SCNN1B: variants seen among roughly 807,000 people sequenced by gnomAD.
The protein encoded by SCNN1B is sodium channel epithelial 1 subunit beta.
Under a neutral mutation model 65.3 loss-of-function variants are expected in SCNN1B, and 46 were observed. That is an observed-to-expected ratio of 0.70 (90% CI 0.56 to 0.90). The LOEUF (loss-of-function observed/expected upper bound fraction) is 0.90. SCNN1B is among the 40% of genes least tolerant of loss of function. SCNN1B has a pLI of 0.00. For missense variants in SCNN1B, 751 were observed against 830.5 expected, an observed-to-expected ratio of 0.90 and a Z score of 1.18; for synonymous variants, 349 against 330.6, an observed-to-expected ratio of 1.06 and a Z score of -0.60.
Position 23,380,932 on chromosome 16 carries a change from A to C in SCNN1B, c.*131A>C. ...CTCCAGGCCAGAGCTTGTGTCCTTC[A>C]ACAGAGAGGCCAGCGGCAACTGGTC... On this transcript the variant is annotated 3_prime_UTR_variant, in exon 13 of 13. Coordinates refer to ENST00000343070, the MANE Select transcript of SCNN1B (RefSeq NM_000336.3). This position sits in a 1 kb window ranked among gnomAD's most constrained non-coding sequence, Gnocchi z 5.4. 1 of 997,574 alleles carries C rather than the reference A, an allele frequency of 1.0e-6. No homozygotes were observed. The highest frequency in any genetic ancestry group is 1.3e-5 in the South Asian group (1 of 77,890). 61.8% of individuals were successfully genotyped at this position (997,574 alleles called of 1,614,324 possible).
chr16:23,344,293 A>T (rs2142012538), intron 1 of SCNN1B, among the ~76,000 whole-genome samples: 1 of 152,348 alleles, frequency 6.6e-6, no homozygotes, highest in African/African-American at 2.4e-5. Context: ...GGAGATTAGA[A>T]GGGTTGGAGA....
At chr16:23,376,376 A>G (rs150017030) in intron 8 of SCNN1B, among the ~76,000 whole-genome samples, 102 of 148,726 alleles carry the variant, frequency 6.9e-4, no homozygotes, top group African/African-American at 2.2e-3. Flanking sequence ...GTGTGTGTGC[A>G]CGTGCATGTA....
chr16:23,380,645 C>G lies in SCNN1B; in HGVS notation c.1767C>G (p.Gly589=). 14 of 1,613,354 alleles carry G rather than the reference C, an allele frequency of 8.7e-6. No individual in the cohort carries two copies. The highest frequency in any genetic ancestry group is 1.2e-5 in the Non-Finnish European group (14 of 1,179,688). ...AELVEAHTNF[G]FQPDTAPRSP... ...TGGTGGAGGCCCACACCAACTTTGG[C>G]TTCCAGCCTGACACGGCCCCCCGCA... Residue 589 remains glycine (G), a synonymous_variant, in exon 13 of 13, where the codon GGC becomes GGG. Coordinates refer to ENST00000343070, the MANE Select transcript of SCNN1B (RefSeq NM_000336.3). The surrounding 1 kb of genome is among the most constrained non-coding windows in gnomAD (Gnocchi z 5.4).
At chr16:23,299,023 C>A (rs1025062985), upstream of SCNN1B, among the ~76,000 whole-genome samples, 2 of 150,358 alleles carry the variant, frequency 1.3e-5, no homozygotes, top group African/African-American at 4.9e-5. Flanking sequence ...TATGAAATTG[C>A]TATGTTCTTT....
intron 1 of SCNN1B, among the ~76,000 whole-genome samples, chr16:23,335,603 T>C (rs1257233558): frequency 6.6e-6 from 1 of 151,978 alleles, no homozygotes; most frequent in East Asian, 1.9e-4. Context: ...TGTGCCACCA[T>C]GCCCAGCTAA....
chr16:23,324,834 C>T (rs1488488592), intron 1 of SCNN1B, among the ~76,000 whole-genome samples: 4 of 152,242 alleles, frequency 2.6e-5, no homozygotes, highest in Admixed American at 2.0e-4. Context: ...ACACACCACC[C>T]ATCCTGGGCA....
chr16:23,305,796 A>G (rs1288719345), intron 1 of SCNN1B, among the ~76,000 whole-genome samples: 2 of 151,732 alleles, frequency 1.3e-5, no homozygotes, highest in African/African-American at 4.8e-5. Flanking sequence ...TCTGGGCCAG[A>G]CACTCAGCTG....
rs1409636537 is a variant in SCNN1B at position 23,367,918 on chromosome 16, C to T, written c.839C>T (p.Thr280Ile). ...GNCYIFNWGM[T>I]EKALPSANPG... ...TGTTACATCTTCAACTGGGGCATGA[C>T]AGAGAAGGCACTTCCTTCGGCCAAC... The change falls in exon 5 of 13, where the codon ACA (threonine) becomes ATA (isoleucine). Residue 280 changes from threonine (T) to isoleucine (I), a missense_variant. Physicochemically the swap from Thr to Ile is moderately conservative, Grantham distance 89. Transcript: ENST00000343070. 1 of 1,614,224 alleles carries T rather than the reference C, an allele frequency of 6.2e-7. No individual in the cohort carries two copies. Among genetic ancestry groups the T allele is most frequent in the South Asian group, 1.1e-5 (1 of 91,088 alleles).
At chr16:23,361,732 C>T (rs986017044) in intron 4 of SCNN1B, among the ~76,000 whole-genome samples, 5 of 152,130 alleles carry the variant, frequency 3.3e-5, no homozygotes, top group Non-Finnish European at 5.9e-5. Context: ...AGGATGCCCC[C>T]GCCCTAGAAT....
intron 2 of SCNN1B, among the ~76,000 whole-genome samples, chr16:23,286,661 C>A (rs1596805832): frequency 6.6e-6 from 1 of 152,198 alleles, no homozygotes; most frequent in East Asian, 1.9e-4. Flanking sequence ...CTCAAGAAAT[C>A]AATCAAACTC....
At chr16:23,371,957 G>A in intron 7 of SCNN1B, 74 bp downstream of exon 7, 1 of 1,114,464 alleles carries the variant, frequency 9.0e-7, no homozygotes, top group South Asian at 1.2e-5. Flanking sequence ...CAGTACTCCG[G>A]GAGAGCTGGC....
chr16:23,339,247 G>GT (rs746682531), intron 1 of SCNN1B, among the ~76,000 whole-genome samples: 1 of 151,812 alleles, frequency 6.6e-6, no homozygotes, highest in Non-Finnish European at 1.5e-5. Flanking sequence ...TGGATATGCC[G>GT]TAATTTATTT....
intron 1 of SCNN1B, among the ~76,000 whole-genome samples, chr16:23,334,332 C>T (rs56200918): frequency 1.3e-5 from 2 of 152,314 alleles, no homozygotes; most frequent in Admixed American, 6.5e-5. Context: ...TTTCAGGGCT[C>T]GAATGAGTGA....
intron 1 of SCNN1B, among the ~76,000 whole-genome samples, chr16:23,319,734 T>C (rs186543952): frequency 6.6e-6 from 1 of 152,162 alleles, no homozygotes; most frequent in Non-Finnish European, 1.5e-5. Flanking sequence ...CAAACTCTGC[T>C]GCACATATTA....
At chr16:23,367,535 C>T (rs537950242) in intron 4 of SCNN1B, among the ~76,000 whole-genome samples, 10 of 152,302 alleles carry the variant, frequency 6.6e-5, no homozygotes, top group Admixed American at 3.3e-4. Context: ...TGGCCTCAAG[C>T]GGTCCTCCCG....
chr16:23,342,187 C>T (rs1338383189), intron 1 of SCNN1B, among the ~76,000 whole-genome samples: 1 of 152,204 alleles, frequency 6.6e-6, no homozygotes, highest in Non-Finnish European at 1.5e-5. Flanking sequence ...CATGCTGCAA[C>T]GTACCTTTAA....
chr16:23,307,231 C>G (rs1187667494), intron 1 of SCNN1B, among the ~76,000 whole-genome samples: 3 of 151,478 alleles, frequency 2.0e-5, no homozygotes, highest in African/African-American at 4.9e-5. Flanking sequence ...TGCACAGTTC[C>G]TAGCATAGAA....
intron 3 of SCNN1B, among the ~76,000 whole-genome samples, chr16:23,354,478 T>A (rs1444389096): frequency 6.6e-6 from 1 of 152,222 alleles, no homozygotes; most frequent in African/African-American, 2.4e-5. Context: ...CAGGGCCAAG[T>A]CTGTCACGTG....
intron 4 of SCNN1B, among the ~76,000 whole-genome samples, chr16:23,364,817 C>G (rs189713800): frequency 3.5e-4 from 53 of 152,064 alleles, no homozygotes; most frequent in Non-Finnish European, 6.3e-4. Context: ...TAGTGAAACA[C>G]CATCTCTACT....
Sources: allele counts gnomAD v4.1 joint callset (sites outside exome capture counted in the v4.1 genomes callset), GRCh38; gene constraint gnomAD v4.1.1; non-coding constraint Gnocchi (gnomAD v3.1); transcripts MANE v1.5; gene names NCBI Gene and HGNC (gene_info 2026-07-23, HGNC 2026-07-21).